Variants in CLIC5 observed in about 807,000 individuals in gnomAD.
CLIC5 encodes the protein chloride intracellular channel protein 5.
In CLIC5, 20 loss-of-function variants were observed where a neutral mutation model predicts 24.7. The observed-to-expected ratio is 0.81, with a 90% CI of 0.57 to 1.18. CLIC5 has a LOEUF of 1.18. CLIC5 is among the 50% of genes most tolerant of loss of function. The pLI is 0.00. For synonymous variants in CLIC5, 159 were observed against 135.6 expected, an observed-to-expected ratio of 1.17 and a Z score of -1.20; for missense variants, 341 against 326.1, an observed-to-expected ratio of 1.05 and a Z score of -0.35.
intron 4 of CLIC5, among the ~76,000 whole-genome samples, chr6:45,927,233 G>A (rs182787269): frequency 1.1e-4 from 17 of 152,198 alleles, no homozygotes; most frequent in Admixed American, 7.8e-4. Context: ...CTGGGGTCTG[G>A]GGTGACAATG....
At chr6:46,035,690 A>C (rs535595744) in intron 1 of CLIC5, among the ~76,000 whole-genome samples, 15 of 152,220 alleles carry the variant, frequency 9.9e-5, no homozygotes, top group Admixed American at 8.5e-4. Context: ...TGACTGGGAC[A>C]CTGAGCAGAC....
In CLIC5 at chr6:46,015,597, A is replaced by G. The variant is rs2127446406; in HGVS notation, c.-55T>C. On this transcript the variant is annotated 5_prime_UTR_variant, in exon 1 of 6. Transcript: ENST00000339561. ...GCCGGGGAGGCGCCACCTCTGCAGC[A>G]CCTGGGCCAGCACTCTGCGCTCCTG... The G allele has an allele frequency of 3.9e-6, 6 of 1,525,948 alleles. No individual in the cohort carries two copies. Among genetic ancestry groups the G allele is most frequent in the Non-Finnish European group, 5.3e-6 (6 of 1,135,768 alleles). 94.5% of individuals were successfully genotyped at this position (1,525,948 alleles called of 1,614,324 possible). A position where few individuals can be genotyped will look rare whatever the true frequency, so the allele number is the denominator to read the frequency against.
chr6:46,126,431 T>C, the CLIC5 span, among the ~76,000 whole-genome samples: 14 of 152,204 alleles, frequency 9.2e-5, no homozygotes, highest in Admixed American at 9.2e-4. Context: ...TATTAAATAT[T>C]TGAAAAAATT....
chr6:46,000,676 G>A (rs1332066343), intron 1 of CLIC5, among the ~76,000 whole-genome samples: 1 of 152,194 alleles, frequency 6.6e-6, no homozygotes. Context: ...GGCAGCAGGA[G>A]AGAGAATGAC....
intron 5 of CLIC5, among the ~76,000 whole-genome samples, chr6:45,907,077 G>C (rs1243113691): frequency 6.6e-6 from 1 of 152,202 alleles, no homozygotes; most frequent in African/African-American, 2.4e-5. Context: ...GGAGTGGTGA[G>C]AGTGGGCATC....
Position 45,976,908 on chromosome 6 carries a change from C to T in CLIC5, c.64-21664G>A, listed in dbSNP as rs561873300. 1.2e-4 allele frequency among the ~76,000 whole-genome samples: 19 copies of T among 152,248 alleles called. No individual in the cohort carries two copies. In the South Asian group the frequency reaches 1.7e-3, roughly 13 times the overall value. On this transcript the variant is annotated intron_variant, in intron 1 of 5. Transcript: ENST00000339561. Reference sequence around the variant, plus strand: ...TGATGCTTTTTAGGGCTGGATGTTACGTGTGTGCTGTATGTATGCAATGTG... The same window carrying T: ...TGATGCTTTTTAGGGCTGGATGTTATGTGTGTGCTGTATGTATGCAATGTG...
intron 1 of CLIC5, among the ~76,000 whole-genome samples, chr6:45,974,418 G>A (rs955195854): frequency 1.3e-5 from 2 of 150,316 alleles, no homozygotes; most frequent in African/African-American, 2.4e-5. Context: ...AGGGCAGAAT[G>A]AAATAAATGG....
chr6:45,931,160 T>C (rs896690424), intron 4 of CLIC5, among the ~76,000 whole-genome samples: 1 of 152,234 alleles, frequency 6.6e-6, no homozygotes, highest in Non-Finnish European at 1.5e-5. Context: ...ATATTATCTG[T>C]GGCTGCTTTA....
chr6:45,931,925 G>T (rs916016868), intron 4 of CLIC5, among the ~76,000 whole-genome samples: 2 of 152,090 alleles, frequency 1.3e-5, no homozygotes, highest in African/African-American at 4.8e-5. Context: ...CTCCCAAAGT[G>T]CTGGGATTAT....
At chr6:45,990,232 A>G (rs770043391) in intron 1 of CLIC5, among the ~76,000 whole-genome samples, 45 of 152,166 alleles carry the variant, frequency 3.0e-4, no homozygotes, top group Non-Finnish European at 5.9e-4. Flanking sequence ...ACTCATCTGA[A>G]TGCTTCACCC....
In CLIC5 at chr6:45,999,997, G is replaced by A. The variant is rs1312375475; in HGVS notation, c.63+15483C>T. On this transcript the variant is annotated intron_variant, in intron 1 of 5. Coordinates refer to ENST00000339561, the MANE Select transcript of CLIC5 (RefSeq NM_016929.5). ...GATCTCCTGACCTCATGATCCACCC[G>A]CCTCGGCCTCCCAAAGTGCTGGGAT... Among the ~76,000 whole-genome samples, 3 of 25,994 alleles carry A rather than the reference G, an allele frequency of 1.2e-4. 1 individual carries two copies. The highest frequency in any genetic ancestry group is 6.7e-4 in the Admixed American group (2 of 3,002). 17.1% of individuals were successfully genotyped at this position (25,994 alleles called of 152,430 possible).
upstream of CLIC5, chr6:46,080,429 G>A: frequency 1.7e-6 from 1 of 587,330 alleles, no homozygotes; most frequent in South Asian, 2.2e-5. Flanking sequence ...CAAACCACAA[G>A]TCCATTGGAC....
intron 6 of CLIC5, chr6:45,892,193 C>T (rs1229603097): frequency 6.6e-6 from 1 of 152,174 alleles, no homozygotes; most frequent in Non-Finnish European, 1.5e-5. Context: ...GCTCTTATTG[C>T]TTATGAACAT....
At chr6:45,953,132 A>G (rs1764525629) in intron 2 of CLIC5, among the ~76,000 whole-genome samples, 1 of 152,158 alleles carries the variant, frequency 6.6e-6, no homozygotes, top group South Asian at 2.1e-4. Context: ...TAGCCCCTCT[A>G]ATTTCTAGTT....
the CLIC5 span, among the ~76,000 whole-genome samples, chr6:46,090,571 A>T: frequency 5.9e-5 from 9 of 152,216 alleles, no homozygotes; most frequent in African/African-American, 2.2e-4. Context: ...TTTAATTTTT[A>T]AAAAATGTTT....
At chr6:46,093,007 T>C in the CLIC5 span, among the ~76,000 whole-genome samples, 2 of 152,130 alleles carry the variant, frequency 1.3e-5, no homozygotes, top group Non-Finnish European at 2.9e-5. Flanking sequence ...CCCTCCCCAA[T>C]CCAATTCCTG....
chr6:46,018,106 G>A (rs181989144), upstream of CLIC5, among the ~76,000 whole-genome samples: 29 of 152,330 alleles, frequency 1.9e-4, no homozygotes, highest in East Asian at 5.2e-3. Flanking sequence ...GGAGACTGGT[G>A]CCTTCGCTGC....
intron 1 of CLIC5, among the ~76,000 whole-genome samples, chr6:46,035,356 T>TA (rs1767629917): frequency 6.6e-6 from 1 of 152,214 alleles, no homozygotes; most frequent in Non-Finnish European, 1.5e-5. Flanking sequence ...TTTGACTAAA[T>TA]AACAAGGTGA....
chr6:45,906,796 A>G (rs1429819781), intron 5 of CLIC5, among the ~76,000 whole-genome samples: 1 of 152,194 alleles, frequency 6.6e-6, no homozygotes. Flanking sequence ...TCCCGACCTC[A>G]GTCGATCCGC....
Sources: gnomAD v4.1 joint callset for allele counts (sites outside exome capture counted in the v4.1 genomes callset) on GRCh38, gnomAD v4.1.1 for gene constraint, MANE v1.5 for transcripts, NCBI Gene and HGNC (gene_info 2026-07-23, HGNC 2026-07-21) for gene names.